HGD: variants seen among roughly 807,000 people sequenced by gnomAD.
HGD encodes homogentisate oxidase.
In HGD, 61 loss-of-function variants were observed where a neutral mutation model predicts 60.8. That is an observed-to-expected ratio of 1.00 (90% CI 0.82 to 1.24). The LOEUF (loss-of-function observed/expected upper bound fraction) is 1.24. Ranked by LOEUF, HGD falls within the 50% of genes most tolerant of loss-of-function variation. HGD has a pLI of 0.00. For synonymous variants in HGD, 212 were observed against 187.7 expected, an observed-to-expected ratio of 1.13 and a Z score of -1.06; for missense variants, 542 against 547.1, an observed-to-expected ratio of 0.99 and a Z score of 0.09.
intron 1 of HGD, among the ~76,000 whole-genome samples, chr3:120,681,655 G>C (rs1182409662): frequency 6.6e-6 from 1 of 152,202 alleles, no homozygotes; most frequent in Non-Finnish European, 1.5e-5. Flanking sequence ...TCCTAGAGGA[G>C]GTGCTTCTTC....
intron 13 of HGD, among the ~76,000 whole-genome samples, chr3:120,630,517 A>G (rs962589594): frequency 6.6e-6 from 1 of 152,072 alleles, no homozygotes; most frequent in Non-Finnish European, 1.5e-5. Flanking sequence ...AAAAACAAGC[A>G]ATGGGGAAAG....
intron 1 of HGD, among the ~76,000 whole-genome samples, chr3:120,681,140 A>G (rs919844008): frequency 6.6e-6 from 1 of 152,224 alleles, no homozygotes; most frequent in African/African-American, 2.4e-5. Context: ...CCCTTAACTG[A>G]TGGATTCTTC....
At chr3:120,642,480 G>A (rs1438690235) in intron 10 of HGD, among the ~76,000 whole-genome samples, 3 of 152,164 alleles carry the variant, frequency 2.0e-5, no homozygotes, top group African/African-American at 7.2e-5. Context: ...AAAGAAGGGT[G>A]TTACCCAGTG....
chr3:120,656,541 T>A (rs1039009118), intron 4 of HGD, among the ~76,000 whole-genome samples: 25 of 145,988 alleles, frequency 1.7e-4, no homozygotes, highest in Admixed American at 5.6e-4. Context: ...AAGAATAAAG[T>A]AAATTTTTGA....
At chr3:120,649,748 A>AC (rs1209569341) in intron 6 of HGD, among the ~76,000 whole-genome samples, 4 of 151,796 alleles carry the variant, frequency 2.6e-5, no homozygotes, top group Admixed American at 6.6e-5. Flanking sequence ...GCTACAGGGA[A>AC]CCCCCCCAAA....
intron 13 of HGD, among the ~76,000 whole-genome samples, chr3:120,631,749 G>C (rs1940598139): frequency 6.6e-6 from 1 of 152,170 alleles, no homozygotes; most frequent in Non-Finnish European, 1.5e-5. Context: ...TGGTGAGGAC[G>C]ACTGAAAGTT....
chr3:120,657,435 A>G (rs1225820326), intron 4 of HGD, among the ~76,000 whole-genome samples: 1 of 152,192 alleles, frequency 6.6e-6, no homozygotes, highest in Non-Finnish European at 1.5e-5. Context: ...CAAAACTGAA[A>G]TTCTTTAATT....
intron 11 of HGD, among the ~76,000 whole-genome samples, chr3:120,640,230 G>A (rs1246864621): frequency 4.0e-5 from 6 of 150,988 alleles, no homozygotes; most frequent in South Asian, 4.2e-4. Flanking sequence ...AGGACGTGGC[G>A]GGGATGGGGG....
chr3:120,644,505 G>T (rs1393982486), intron 9 of HGD, 62 bp from the exon 10 acceptor site: 5 of 1,611,176 alleles, frequency 3.1e-6, no homozygotes, highest in East Asian at 2.2e-5. Context: ...GATGCCCATG[G>T]TTGCATGAAG....
chr3:120,658,205 A>G (rs549425644), intron 4 of HGD, among the ~76,000 whole-genome samples: 1 of 152,334 alleles, frequency 6.6e-6, no homozygotes, highest in African/African-American at 2.4e-5. Flanking sequence ...CTCATCTGAG[A>G]CAAGTTAAGT....
At chr3:120,656,555 C>CA (rs1941500300) in intron 4 of HGD, among the ~76,000 whole-genome samples, 1 of 114,192 alleles carries the variant, frequency 8.8e-6, no homozygotes, top group African/African-American at 2.8e-5. Context: ...TTTTTGAGAT[C>CA]TTTTTTTTGG....
At chr3:120,636,196 C>T (rs1033666579) in intron 12 of HGD, among the ~76,000 whole-genome samples, 2 of 150,200 alleles carry the variant, frequency 1.3e-5, no homozygotes, top group African/African-American at 4.9e-5. Flanking sequence ...GGGAGGATCA[C>T]TTGAGCCTGG....
intron 4 of HGD, among the ~76,000 whole-genome samples, chr3:120,655,728 CT>C (rs1300362790): frequency 6.6e-6 from 1 of 152,238 alleles, no homozygotes; most frequent in Non-Finnish European, 1.5e-5. Context: ...CAGTAACTCT[CT>C]GAGCCAAGGC....
At chr3:120,650,508 CAG>C (rs1405217990) in intron 6 of HGD, among the ~76,000 whole-genome samples, 2 of 152,232 alleles carry the variant, frequency 1.3e-5, no homozygotes, top group Non-Finnish European at 2.9e-5. Flanking sequence ...TCCTGCATTC[CAG>C]GGCTCCATCC....
At chr3:120,652,040 A>T (rs1324893910) in intron 5 of HGD, among the ~76,000 whole-genome samples, 1 of 152,242 alleles carries the variant, frequency 6.6e-6, no homozygotes, top group Non-Finnish European at 1.5e-5. Flanking sequence ...AATCATGGAT[A>T]TCACATTATA....
intron 9 of HGD, chr3:120,644,659 T>C: frequency 1.3e-6 from 2 of 1,505,576 alleles, no homozygotes; most frequent in South Asian, 1.2e-5. Flanking sequence ...CATTACTTTC[T>C]AAGGTTGTGG....
At chr3:120,680,556 C>T (rs946885880) in intron 1 of HGD, among the ~76,000 whole-genome samples, 2 of 152,208 alleles carry the variant, frequency 1.3e-5, no homozygotes, top group African/African-American at 4.8e-5. Context: ...ATGTTTCCAA[C>T]CTCTGCTGAA....
At chr3:120,644,471 T>A in intron 9 of HGD, 28 bp from the exon 10 acceptor site, 3 of 1,613,878 alleles carry the variant, frequency 1.9e-6, no homozygotes, top group Non-Finnish European at 2.5e-6. Flanking sequence ...AAAAGTCTTT[T>A]AGAAACTTCC....
chr3:120,629,951 A>G (rs1940531903), intron 13 of HGD, among the ~76,000 whole-genome samples: 1 of 152,190 alleles, frequency 6.6e-6, no homozygotes. Flanking sequence ...TCAATGTACA[A>G]AAATCACTAG....
Sources: gnomAD v4.1 joint callset for allele counts (sites outside exome capture counted in the v4.1 genomes callset) on GRCh38, gnomAD v4.1.1 for gene constraint, MANE v1.5 for transcripts, NCBI Gene and HGNC (gene_info 2026-07-23, HGNC 2026-07-21) for gene names.